USP49: variants seen among roughly 807,000 people sequenced by gnomAD.
The protein encoded by USP49 is ubiquitin specific peptidase 49, also known as ubiquitin carboxyl-terminal hydrolase 49.
USP49 carries 24 observed loss-of-function variants against 58.6 expected under a neutral mutation model. The ratio of observed to expected loss-of-function variants is 0.41; its 90% CI spans 0.30 to 0.58. The LOEUF (loss-of-function observed/expected upper bound fraction) is 0.58, where lower values mean the gene tolerates loss of function less well. Ranked by LOEUF, USP49 falls within the 20% of genes least tolerant of loss-of-function variation. The pLI is 0.30. For missense variants in USP49, 703 were observed against 866.1 expected (o/e 0.81, Z 2.36); for synonymous variants, 408 against 365.1 (o/e 1.12, Z -1.34).
intron 3 of USP49, among the ~76,000 whole-genome samples, chr6:41,861,225 C>T (rs937667051): frequency 2.6e-5 from 4 of 152,018 alleles, no homozygotes; most frequent in East Asian, 1.9e-4. Flanking sequence ...AGGCGGATCA[C>T]GAGGTCAGGA....
chr6:41,848,798 T>C (rs1472570769), intron 3 of USP49, among the ~76,000 whole-genome samples: 2 of 151,062 alleles, frequency 1.3e-5, no homozygotes, highest in Non-Finnish European at 2.9e-5. Context: ...GAGCTTGCAT[T>C]GAGCCAAGAT....
chr6:41,818,765 C>G (rs1236271817), intron 3 of USP49, among the ~76,000 whole-genome samples: 1 of 152,156 alleles, frequency 6.6e-6, no homozygotes, highest in African/African-American at 2.4e-5. Context: ...TTTTCTTAAG[C>G]CAAGAAAGGA....
At chr6:41,808,645 C>T (rs564842748) in intron 3 of USP49, among the ~76,000 whole-genome samples, 1 of 152,102 alleles carries the variant, frequency 6.6e-6, no homozygotes, top group South Asian at 2.1e-4. Flanking sequence ...CTCTTGACCT[C>T]GTGATCCGCC....
intron 3 of USP49, among the ~76,000 whole-genome samples, chr6:41,844,098 G>A (rs191434877): frequency 1.6e-4 from 25 of 151,952 alleles, no homozygotes; most frequent in African/African-American, 5.3e-4. Context: ...GTGTGCCCAT[G>A]TAGTCTCAGC....
At chr6:41,820,244 A>G (rs1773431168) in intron 3 of USP49, among the ~76,000 whole-genome samples, 1 of 152,052 alleles carries the variant, frequency 6.6e-6, no homozygotes, top group Admixed American at 6.5e-5. Flanking sequence ...ACATATTTAA[A>G]GTTTATAATT....
At chr6:41,866,312 C>T (rs1774318982) in intron 3 of USP49, among the ~76,000 whole-genome samples, 1 of 152,124 alleles carries the variant, frequency 6.6e-6, no homozygotes, top group African/African-American at 2.4e-5. Context: ...GTGCTATCAA[C>T]TCTGAGATTC....
chr6:41,818,893 C>A (rs757280744), intron 3 of USP49, among the ~76,000 whole-genome samples: 1 of 152,118 alleles, frequency 6.6e-6, no homozygotes, highest in Non-Finnish European at 1.5e-5. Context: ...CATAGATCAG[C>A]TCCATTAAGT....
chr6:41,802,482 T>TA lies in USP49; in HGVS notation c.1561+1323_1561+1324insT, dbSNP rs61454832. On this transcript the variant is annotated intron_variant, in intron 5 of 7. Coordinates refer to ENST00000682992, the MANE Select transcript of USP49 (RefSeq NM_001286554.2). ...TTTATTTATTTATTTTTTATTTATT[T>TA]TTTTTTTTTGAGACAGCATCTCGCT... 4.6e-3 allele frequency among the ~76,000 whole-genome samples: 583 copies of TA among 127,900 alleles called. 2 individuals carry two copies. Among genetic ancestry groups the TA allele is most frequent in the East Asian group, 0.019 (85 of 4,396 alleles). 83.9% of individuals were successfully genotyped at this position (127,900 alleles called of 152,430 possible).
At chr6:41,856,544 A>G (rs1242122012) in intron 3 of USP49, among the ~76,000 whole-genome samples, 1 of 152,214 alleles carries the variant, frequency 6.6e-6, no homozygotes, top group Non-Finnish European at 1.5e-5. Flanking sequence ...ACAAGCTAAC[A>G]TGCAACTTCA....
Position 41,792,062 on chromosome 6 carries a change from A to G in USP49, c.*4471T>C, listed in dbSNP as rs1231873241. Reference sequence around the variant, plus strand: ...TGTTGAAGTTTCATGAGCTCAGTGGAAACCTTAAGGTCAGAGTAAAAGAAA... The same window carrying G: ...TGTTGAAGTTTCATGAGCTCAGTGGGAACCTTAAGGTCAGAGTAAAAGAAA... On this transcript the variant is annotated 3_prime_UTR_variant, in exon 8 of 8. Coordinates refer to ENST00000682992, the MANE Select transcript of USP49 (RefSeq NM_001286554.2). The G allele has an allele frequency of 6.6e-6, 1 of 152,226 alleles. No individual in the cohort carries two copies. Among genetic ancestry groups the G allele is most frequent in the East Asian group, 1.9e-4 (1 of 5,202 alleles). 9.4% of individuals were successfully genotyped at this position (152,226 alleles called of 1,614,324 possible).
intron 3 of USP49, among the ~76,000 whole-genome samples, chr6:41,816,748 TACTC>T (rs1773359061): frequency 1.3e-5 from 2 of 151,906 alleles, no homozygotes; most frequent in Admixed American, 1.3e-4. Context: ...GACAGGGTCT[TACTC>T]AGTCACCCAG....
intron 1 of USP49, among the ~76,000 whole-genome samples, chr6:41,892,950 G>A (rs919313072): frequency 6.6e-6 from 1 of 152,048 alleles, no homozygotes; most frequent in African/African-American, 2.4e-5. Flanking sequence ...AAAATTCTAA[G>A]TAAGAATAAC....
At chr6:41,855,703 C>A (rs748374311) in intron 3 of USP49, among the ~76,000 whole-genome samples, 13 of 151,976 alleles carry the variant, frequency 8.6e-5, no homozygotes, top group Non-Finnish European at 1.6e-4. Context: ...TTTTTCAGTC[C>A]CTTTTTTCAC....
chr6:41,848,205 A>C (rs1773955908), intron 3 of USP49, among the ~76,000 whole-genome samples: 1 of 152,180 alleles, frequency 6.6e-6, no homozygotes, highest in South Asian at 2.1e-4. Context: ...AAGTATCTAT[A>C]GAATATATAT....
rs888031037 is a variant in USP49, at chr6:41,803,245, A to G, written c.1561+561T>C. 6.6e-6 allele frequency among the ~76,000 whole-genome samples: 1 copy of G among 152,190 alleles called. No individual in the cohort carries two copies. Among genetic ancestry groups the G allele is most frequent in the East Asian group, 1.9e-4 (1 of 5,194 alleles). On this transcript the variant is annotated intron_variant, in intron 5 of 7. Transcript: ENST00000682992. The surrounding 1 kb of genome is among the most constrained non-coding windows in gnomAD (Gnocchi z 4.1). Reference sequence around the variant, plus strand: ...CCACAACTTTAAAATCCCTTCCAAGATGACAACTAATGTCAATCAGGAGGT... The same window carrying G: ...CCACAACTTTAAAATCCCTTCCAAGGTGACAACTAATGTCAATCAGGAGGT...
chr6:41,886,570 T>C (rs181806948), intron 2 of USP49: 2 of 152,316 alleles, frequency 1.3e-5, no homozygotes, highest in East Asian at 3.9e-4. Flanking sequence ...TACCATAAAT[T>C]ACCTGGCATT....
At chr6:41,859,796 G>GA (rs1234716709) in intron 3 of USP49, among the ~76,000 whole-genome samples, 4 of 152,088 alleles carry the variant, frequency 2.6e-5, no homozygotes, top group Non-Finnish European at 5.9e-5. Context: ...CTTTCTGATC[G>GA]AAAAGAGTAC....
chr6:41,854,254 T>G (rs1300271795), intron 3 of USP49, among the ~76,000 whole-genome samples: 1 of 148,330 alleles, frequency 6.7e-6, no homozygotes, highest in Non-Finnish European at 1.5e-5. Context: ...GAGGCGGAGG[T>G]TGCAGTGAGC....
At chr6:41,811,933 C>A (rs1773263588) in intron 3 of USP49, among the ~76,000 whole-genome samples, 1 of 152,178 alleles carries the variant, frequency 6.6e-6, no homozygotes, top group African/African-American at 2.4e-5. Flanking sequence ...TTCTCACTCT[C>A]ACTAATTCAA....
Sources: allele counts gnomAD v4.1 joint callset (sites outside exome capture counted in the v4.1 genomes callset), GRCh38; gene constraint gnomAD v4.1.1; non-coding constraint Gnocchi (gnomAD v3.1); transcripts MANE v1.5; gene names NCBI Gene and HGNC (gene_info 2026-07-23, HGNC 2026-07-21).